Variants in LONRF1 observed in about 807,000 individuals in gnomAD.
The protein encoded by LONRF1 is LON peptidase N-terminal domain and RING finger protein 1.
In LONRF1, 37 loss-of-function variants were observed where a neutral mutation model predicts 85.8. That is an observed-to-expected ratio of 0.43 (90% CI 0.33 to 0.57). LONRF1 has a LOEUF of 0.57. LONRF1 is among the 20% of genes least tolerant of loss of function. The pLI is 0.04. For synonymous variants in LONRF1, 517 were observed against 390.1 expected (o/e 1.33, Z -3.83); for missense variants, 1,036 against 978.0 (o/e 1.06, Z -0.79).
rs1303888401 is a variant in LONRF1, at chr8:12,735,279, T to C, written c.1566+7A>G. 3.8e-6 allele frequency: 6 copies of C among 1,571,576 alleles called. No homozygotes were observed. The highest frequency in any genetic ancestry group is 3.5e-6 in the Non-Finnish European group (4 of 1,148,736). ...ACCAACAAACAGACACATATACAAA[T>C]ATTTACCTCTTTTAAGCTTTCTTTG... On this transcript the variant is annotated splice_region_variant and intron_variant, in intron 7 of 11. Coordinates refer to ENST00000398246, the MANE Select transcript of LONRF1 (RefSeq NM_152271.5).
chr8:12,723,617 C>T (rs932495881), intron 11 of LONRF1, among the ~76,000 whole-genome samples: 1 of 152,216 alleles, frequency 6.6e-6, no homozygotes, highest in Non-Finnish European at 1.5e-5. Flanking sequence ...TGCACTAGAG[C>T]ACATTCAGCA....
intron 7 of LONRF1, among the ~76,000 whole-genome samples, chr8:12,732,657 T>A (rs1162008404): frequency 6.6e-6 from 1 of 152,194 alleles, no homozygotes; most frequent in East Asian, 1.9e-4. Context: ...TCACAAACTC[T>A]TCCTTAATTA....
chr8:12,744,123 T>G (rs1225301151), intron 1 of LONRF1, among the ~76,000 whole-genome samples: 1 of 152,146 alleles, frequency 6.6e-6, no homozygotes, highest in African/African-American at 2.4e-5. Context: ...AAAGCTATCT[T>G]TGAGATCTTT....
At chr8:12,752,098 T>G (rs1294407469) in intron 1 of LONRF1, among the ~76,000 whole-genome samples, 1 of 152,238 alleles carries the variant, frequency 6.6e-6, no homozygotes, top group Non-Finnish European at 1.5e-5. Flanking sequence ...CAGACTAGAT[T>G]TTTTCTAGTT....
intron 2 of LONRF1, 140 bp downstream of exon 2, chr8:12,743,024 G>A (rs1395354428): frequency 6.2e-6 from 4 of 647,986 alleles, no homozygotes; most frequent in South Asian, 1.8e-5. Context: ...TTGCACCTAG[G>A]TGAACCTATA....
chr8:12,727,467 A>G (rs1431853041), intron 10 of LONRF1, among the ~76,000 whole-genome samples: 1 of 21,290 alleles, frequency 4.7e-5, no homozygotes, highest in Admixed American at 7.6e-4. Flanking sequence ...AAATCATTAT[A>G]TAGATGAAGA....
At position 12,731,990 on chromosome 8, in the gene LONRF1, A is replaced by T. The variant is rs1228002075; in HGVS notation, c.1567-133T>A. ...AATTCTGGATTAATTAGTGAGGGGA[A>T]CATTACAATGGATGATGCTAAGCAA... On this transcript the variant is annotated intron_variant, in intron 7 of 11. Coordinates refer to ENST00000398246, the MANE Select transcript of LONRF1 (RefSeq NM_152271.5). 5 of 834,946 alleles carry T rather than the reference A, an allele frequency of 6.0e-6. No homozygotes were observed. The African/African-American group carries it at 8.7e-5, about 14-fold the overall frequency. The allele number at this position is 834,946 out of a possible 1,614,324, so 51.7% of individuals were successfully genotyped here. A position where few individuals can be genotyped will look rare whatever the true frequency, so the allele number is the denominator to read the frequency against.
In LONRF1 at chr8:12,754,749, CT is replaced by C; in HGVS notation, c.671del (p.Gln224ArgfsTer22). The C allele has an allele frequency of 6.9e-7, 1 of 1,446,776 alleles. No homozygotes were observed. The highest frequency in any genetic ancestry group is 9.0e-7 in the Non-Finnish European group (1 of 1,108,312). The allele number at this position is 1,446,776 out of a possible 1,614,324, so 89.6% of individuals were successfully genotyped here. A position where few individuals can be genotyped will look rare whatever the true frequency, so the allele number is the denominator to read the frequency against. ...AAGRLGELLHQGRYREALAAA... is the reference protein window; with the variant it reads ...AAGRLGELLHXGRYREALAAA... The stretch of plus-strand genomic sequence containing the variant: ...CGGCCAGGGCCTCCCGGTAGCGCCC[CT>C]GGTGCAGTAGCTCCCCGAGCCTGCC... On this transcript the variant is annotated frameshift_variant, in exon 1 of 12. Coordinates refer to ENST00000398246, the MANE Select transcript of LONRF1 (RefSeq NM_152271.5). LOFTEE classifies it high-confidence loss of function.
At chr8:12,734,290 A>C in intron 7 of LONRF1, among the ~76,000 whole-genome samples, 1 of 152,214 alleles carries the variant, frequency 6.6e-6, no homozygotes, top group East Asian at 1.9e-4. Context: ...TGTAAGACAC[A>C]TATCAAATGT....
intron 3 of LONRF1, among the ~76,000 whole-genome samples, chr8:12,739,661 A>G (rs1478704460): frequency 1.3e-5 from 2 of 152,236 alleles, no homozygotes; most frequent in Non-Finnish European, 2.9e-5. Context: ...GGAGAAAAAC[A>G]AAATATTCTA....
chr8:12,749,679 GTTTT>G (rs1324618606), intron 1 of LONRF1, among the ~76,000 whole-genome samples: 2 of 151,994 alleles, frequency 1.3e-5, no homozygotes, highest in African/African-American at 2.4e-5. Flanking sequence ...ACTTGAATCA[GTTTT>G]TTTATCATTT....
In LONRF1 at chr8:12,754,836, G is replaced by C. The variant is rs774331767; in HGVS notation, c.585C>G (p.Val195=). 11 of 1,494,388 alleles carry C rather than the reference G, an allele frequency of 7.4e-6. No homozygotes were observed. The South Asian group carries it at 1.0e-4, about 14-fold the overall frequency. The allele number at this position is 1,494,388 out of a possible 1,614,324, so 92.6% of individuals were successfully genotyped here. Residue 195 remains valine (V), a synonymous_variant, in exon 1 of 12, where the codon GTC becomes GTG. Coordinates refer to ENST00000398246, the MANE Select transcript of LONRF1 (RefSeq NM_152271.5). ...AIAASDFRTS[V]VLNHLAEKWF... The stretch of plus-strand genomic sequence containing the variant: ...ACTTCTCGGCCAGGTGGTTGAGGAC[G>C]ACGCTGGTTCTGAAGTCTGAAGCGG...
intron 11 of LONRF1, 62 bp downstream of exon 11, chr8:12,725,665 G>C (rs1408928054): frequency 6.6e-7 from 1 of 1,513,412 alleles, no homozygotes; most frequent in Admixed American, 1.8e-5. Context: ...AACAAATGTA[G>C]AAGTGTGCAA....
chr8:12,733,765 A>C (rs1798617474), intron 7 of LONRF1, among the ~76,000 whole-genome samples: 2 of 152,212 alleles, frequency 1.3e-5, no homozygotes, highest in Admixed American at 1.3e-4. Context: ...TGTATCTAAA[A>C]TAGATGGAAA....
rs1799600673 is a variant in LONRF1, at chr8:12,755,347, C to T, written c.74G>A (p.Gly25Asp). 4 of 1,238,176 alleles carry T rather than the reference C, an allele frequency of 3.2e-6. No homozygotes were observed. The highest frequency in any genetic ancestry group is 7.2e-5 in the East Asian group (2 of 27,844). The allele number at this position is 1,238,176 out of a possible 1,614,324, so 76.7% of individuals were successfully genotyped here. The change falls in exon 1 of 12, where the codon GGC becomes GAC. Residue 25 changes from glycine (G) to aspartate (D), a missense_variant. Coordinates refer to ENST00000398246, the MANE Select transcript of LONRF1 (RefSeq NM_152271.5). ...REMAPAPQGR[G>D]RFWEVGGGSG... The stretch of plus-strand genomic sequence containing the variant: ...GCCGCCGCCCACTTCCCAGAACCGG[C>T]CTCGGCCCTGCGGCGCTGGGGCCAT...
chr8:12,754,891 G>T lies in LONRF1; in HGVS notation c.530C>A (p.Pro177Gln). Residue 177 changes from proline (P) to glutamine (Q), a missense_variant, in exon 1 of 12, where the codon CCG becomes CAG. By Grantham distance (76) the Pro-to-Gln change is moderately conservative. Around this residue, in one of 3 missense-constraint regions of LONRF1, gnomAD observed 742 missense variants for 614.4 expected, o/e 1.21. Coordinates refer to ENST00000398246, the MANE Select transcript of LONRF1 (RefSeq NM_152271.5). ...GGCGGCGGCCAGAGGCGGCGGCCGC[G>T]GGGCGGTCCCTTCAGCATCAGTGGC... ...ASATDAEGTA[P>Q]RPPPLAAAIA... 6 of 1,492,890 alleles carry T rather than the reference G, an allele frequency of 4.0e-6. No homozygotes were observed. The highest frequency in any genetic ancestry group is 4.4e-6 in the Non-Finnish European group (5 of 1,126,076). 92.5% of individuals were successfully genotyped at this position (1,492,890 alleles called of 1,614,324 possible). A position where few individuals can be genotyped will look rare whatever the true frequency, so the allele number is the denominator to read the frequency against.
At chr8:12,750,759 G>C (rs969273013) in intron 1 of LONRF1, among the ~76,000 whole-genome samples, 1 of 152,168 alleles carries the variant, frequency 6.6e-6, no homozygotes, top group Admixed American at 6.5e-5. Context: ...TAAACTGCTA[G>C]TTAACATGTG....
At chr8:12,742,711 A>C (rs1035682339) in intron 2 of LONRF1, among the ~76,000 whole-genome samples, 11 of 150,450 alleles carry the variant, frequency 7.3e-5, no homozygotes, top group Admixed American at 6.0e-4. Context: ...AAAAATTGTG[A>C]GATGATACTC....
In LONRF1 at chr8:12,735,294, A is replaced by G; in HGVS notation, c.1558T>C (p.Leu520=). Residue 520 remains leucine (L), a synonymous_variant, in exon 7 of 12, where the codon TTA becomes CTA. Transcript: ENST00000398246. ...CATATACAAATATTTACCTCTTTTA[A>G]GCTTTCTTTGCAAAGAGGACAATAT... ...APYCPLCKES[L]KEYLADRRYC... 6.3e-7 allele frequency: 1 copy of G among 1,597,876 alleles called. No homozygotes were observed. Among genetic ancestry groups the G allele is most frequent in the South Asian group, 1.1e-5 (1 of 89,312 alleles).
Sources: allele counts gnomAD v4.1 joint callset (sites outside exome capture counted in the v4.1 genomes callset), GRCh38; gene constraint gnomAD v4.1.1; regional missense constraint gnomAD v4.1.1; transcripts MANE v1.5; gene names NCBI Gene and HGNC (gene_info 2026-07-23, HGNC 2026-07-21).